BACE2: variants seen among roughly 807,000 people sequenced by gnomAD.
BACE2 encodes beta-secretase 2, also known as 56 kDa aspartic-like protease.
A neutral mutation model predicts 46.2 loss-of-function variants in BACE2; 17 were observed. The ratio of observed to expected loss-of-function variants is 0.37; its 90% CI spans 0.25 to 0.55. The LOEUF (loss-of-function observed/expected upper bound fraction) is 0.55. Among genes scored for constraint, BACE2 ranks in the 20% least tolerant of loss-of-function variants. BACE2 has a pLI of 0.82. For synonymous variants in BACE2, 277 were observed against 295.9 expected (o/e 0.94, Z 0.66); for missense variants, 595 against 698.1 (o/e 0.85, Z 1.66).
intron 1 of BACE2, among the ~76,000 whole-genome samples, chr21:41,196,513 A>G (rs1194906947): frequency 6.6e-6 from 1 of 152,224 alleles, no homozygotes; most frequent in Non-Finnish European, 1.5e-5. Flanking sequence ...ACCATCGAAC[A>G]TGATATAAAT....
intron 8 of BACE2, among the ~76,000 whole-genome samples, chr21:41,272,931 T>C (rs1482580223): frequency 6.6e-6 from 1 of 152,204 alleles, no homozygotes; most frequent in African/African-American, 2.4e-5. Context: ...TTCACGTAGG[T>C]TCTTTTCTAT....
At chr21:41,274,325 G>C (rs1274286669) in intron 8 of BACE2, among the ~76,000 whole-genome samples, 1 of 151,950 alleles carries the variant, frequency 6.6e-6, no homozygotes, top group Non-Finnish European at 1.5e-5. Flanking sequence ...ATTCTTTTCA[G>C]GTCATTATCG....
intron 1 of BACE2, chr21:41,184,044 C>T (rs1443379503): frequency 6.0e-6 from 1 of 167,044 alleles, no homozygotes; most frequent in Admixed American, 6.5e-5. Flanking sequence ...CTCTTTTGCC[C>T]TGTCCCTGTT....
At chr21:41,263,725 A>G (rs1012938877) in intron 8 of BACE2, among the ~76,000 whole-genome samples, 2 of 152,212 alleles carry the variant, frequency 1.3e-5, no homozygotes, top group African/African-American at 4.8e-5. Context: ...TTTAAGGGTA[A>G]TCTGTTGCTT....
chr21:41,190,238 C>T (rs975056603), intron 1 of BACE2, among the ~76,000 whole-genome samples: 1 of 152,190 alleles, frequency 6.6e-6, no homozygotes, highest in African/African-American at 2.4e-5. Flanking sequence ...CATCTGAGAT[C>T]ATACATAATC....
intron 3 of BACE2, among the ~76,000 whole-genome samples, chr21:41,241,370 C>T (rs1303803304): frequency 2.6e-5 from 4 of 152,180 alleles, no homozygotes; most frequent in Admixed American, 1.3e-4. Context: ...CCAGGTCAGC[C>T]ACCTCTCATT....
chr21:41,227,259 A>G (rs1338944300), intron 2 of BACE2, among the ~76,000 whole-genome samples: 2 of 152,258 alleles, frequency 1.3e-5, no homozygotes, highest in African/African-American at 4.8e-5. Flanking sequence ...AGGTAAGCTG[A>G]CATGCTGGTT....
intron 1 of BACE2, among the ~76,000 whole-genome samples, chr21:41,201,434 C>CT (rs1346924187): frequency 6.6e-6 from 1 of 152,218 alleles, no homozygotes; most frequent in East Asian, 1.9e-4. Flanking sequence ...CTGAAGCCAT[C>CT]GAGCTGCCTG....
chr21:41,210,962 C>T (rs1438219568), intron 1 of BACE2, among the ~76,000 whole-genome samples: 1 of 152,208 alleles, frequency 6.6e-6, no homozygotes. Flanking sequence ...CTTCAAAGTG[C>T]CTGTCTCTGT....
At chr21:41,238,355 A>C (rs934514734) in intron 3 of BACE2, among the ~76,000 whole-genome samples, 1 of 152,174 alleles carries the variant, frequency 6.6e-6, no homozygotes, top group African/African-American at 2.4e-5. Context: ...TTCACCAAAT[A>C]TTTGTACTTG....
At chr21:41,171,526 C>A (rs1984609410) in intron 1 of BACE2, among the ~76,000 whole-genome samples, 1 of 152,224 alleles carries the variant, frequency 6.6e-6, no homozygotes, top group Non-Finnish European at 1.5e-5. Flanking sequence ...AGATGACTGC[C>A]AGGTTTGCGG....
chr21:41,172,657 T>G (rs527411241), intron 1 of BACE2, among the ~76,000 whole-genome samples: 2 of 152,324 alleles, frequency 1.3e-5, no homozygotes, highest in African/African-American at 4.8e-5. Flanking sequence ...CTTCTGGAGA[T>G]GATGTGGTTT....
At chr21:41,186,628 T>G (rs1228881297) in intron 1 of BACE2, 2 of 152,268 alleles carry the variant, frequency 1.3e-5, no homozygotes, top group East Asian at 3.9e-4. Context: ...GCCCCAAGAC[T>G]GGGGCTTAGC....
At chr21:41,190,535 G>A (rs918076133) in intron 1 of BACE2, among the ~76,000 whole-genome samples, 4 of 152,292 alleles carry the variant, frequency 2.6e-5, no homozygotes, top group East Asian at 1.9e-4. Context: ...AGCTGGTCAC[G>A]TGGTTGTAGC....
intron 1 of BACE2, among the ~76,000 whole-genome samples, chr21:41,189,034 G>A (rs139370853): frequency 6.1e-4 from 93 of 152,276 alleles, no homozygotes; most frequent in Middle Eastern, 3.4e-3. Flanking sequence ...AGTTTTGAAG[G>A]TATTTTCACA....
intron 2 of BACE2, 90 bp from the exon 3 acceptor site, chr21:41,237,423 G>C: frequency 3.0e-6 from 3 of 987,680 alleles, no homozygotes; most frequent in South Asian, 4.7e-5. Flanking sequence ...TCCAGCCTGG[G>C]TGACAGAGCA....
At chr21:41,246,188 G>A in intron 6 of BACE2, 125 bp downstream of exon 6, 1 of 547,122 alleles carries the variant, frequency 1.8e-6, no homozygotes, top group Non-Finnish European at 3.1e-6. Context: ...TTCATATTGT[G>A]TATTTGTATA....
At chr21:41,179,064 TTGAGGGTGTCAGGGTGAGGAG>T (rs1316530792) in intron 1 of BACE2, 6 of 1,146,814 alleles carry the variant, frequency 5.2e-6, no homozygotes, top group East Asian at 5.8e-5. Flanking sequence ...AGGTGAAGAC[TTGAGGGTGTCAGGGTGAGGAG>T]TGAGGGTGTC....
At chr21:41,197,061 A>G (rs1013783530) in intron 1 of BACE2, among the ~76,000 whole-genome samples, 5 of 152,076 alleles carry the variant, frequency 3.3e-5, no homozygotes, top group African/African-American at 1.2e-4. Context: ...TCTCAGACCC[A>G]AGGCATCCTC....
Sources: gnomAD v4.1 joint callset for allele counts (sites outside exome capture counted in the v4.1 genomes callset) on GRCh38, gnomAD v4.1.1 for gene constraint, MANE v1.5 for transcripts, NCBI Gene and HGNC (gene_info 2026-07-23, HGNC 2026-07-21) for gene names.